Variants in GRM8 observed in about 807,000 individuals in gnomAD.
GRM8 encodes metabotropic glutamate receptor 8.
A neutral mutation model predicts 87.2 loss-of-function variants in GRM8; 47 were observed. That is an observed-to-expected ratio of 0.54 (90% CI 0.43 to 0.69). The LOEUF is 0.69. Ranked by LOEUF, GRM8 falls within the 30% of genes least tolerant of loss-of-function variation. The pLI is 0.00. For missense variants in GRM8, 1,019 were observed against 1,139.2 expected, an observed-to-expected ratio of 0.89 and a Z score of 1.52; for synonymous variants, 396 against 404.5, an observed-to-expected ratio of 0.98 and a Z score of 0.25.
chr7:126,764,558 T>G (rs536418995), intron 7 of GRM8, among the ~76,000 whole-genome samples: 51 of 152,186 alleles, frequency 3.4e-4, no homozygotes, highest in Admixed American at 2.7e-3. Flanking sequence ...AATTGTATAT[T>G]TGGAAATTTT....
chr7:126,690,389 G>A (rs1285810551), intron 7 of GRM8, among the ~76,000 whole-genome samples: 1 of 152,180 alleles, frequency 6.6e-6, no homozygotes, highest in African/African-American at 2.4e-5. Context: ...CACCTGCATG[G>A]GTGCCACCTC....
intron 8 of GRM8, among the ~76,000 whole-genome samples, chr7:126,570,208 ACT>A (rs1328796350): frequency 2.6e-5 from 4 of 151,736 alleles, no homozygotes; most frequent in African/African-American, 9.7e-5. Flanking sequence ...CCCTATGCCC[ACT>A]CTCTATATTA....
At chr7:126,875,817 C>T (rs893237187) in intron 6 of GRM8, among the ~76,000 whole-genome samples, 3 of 151,990 alleles carry the variant, frequency 2.0e-5, no homozygotes, top group African/African-American at 7.3e-5. Context: ...TCCCAGATTA[C>T]CCTTTAATGA....
intron 2 of GRM8, among the ~76,000 whole-genome samples, chr7:127,221,074 C>T (rs1474841120): frequency 1.3e-5 from 2 of 152,230 alleles, no homozygotes; most frequent in African/African-American, 4.8e-5. Context: ...CCCTGTTTTG[C>T]TCTTCTTGAA....
At chr7:127,055,771 A>G (rs563957043) in intron 3 of GRM8, among the ~76,000 whole-genome samples, 45 of 152,254 alleles carry the variant, frequency 3.0e-4, no homozygotes, top group African/African-American at 9.1e-4. Context: ...ATGTGTAACA[A>G]TGCAGAAGAA....
In GRM8 at chr7:126,764,425, T is replaced by G. The variant is rs1398975787; in HGVS notation, c.1357+5440A>C. ...ATGTTTATTATTGTCTTATTTGACCTATTAGCATGATTGTAGTATATTTTC... is the reference window on the plus strand; with the variant it reads ...ATGTTTATTATTGTCTTATTTGACCGATTAGCATGATTGTAGTATATTTTC... On this transcript the variant is annotated intron_variant, in intron 7 of 10. Transcript: ENST00000339582. Among the ~76,000 whole-genome samples, 3 of 152,204 alleles carry G rather than the reference T, an allele frequency of 2.0e-5. No individual in the cohort carries two copies. The East Asian group carries it at 5.8e-4, about 29-fold the overall frequency.
intron 3 of GRM8, among the ~76,000 whole-genome samples, chr7:126,945,743 T>A (rs576947973): frequency 6.6e-5 from 10 of 152,310 alleles, no homozygotes; most frequent in African/African-American, 2.4e-4. Flanking sequence ...AACCTATAAT[T>A]AACATTTAAA....
chr7:126,652,303 T>G (rs953628420), intron 7 of GRM8, among the ~76,000 whole-genome samples: 2 of 152,212 alleles, frequency 1.3e-5, no homozygotes, highest in African/African-American at 4.8e-5. Context: ...TATTATTGTC[T>G]TTATTTGAAG....
At chr7:126,969,833 T>G (rs185323224) in intron 3 of GRM8, among the ~76,000 whole-genome samples, 2 of 152,144 alleles carry the variant, frequency 1.3e-5, no homozygotes, top group Non-Finnish European at 2.9e-5. Flanking sequence ...AAAATGTATT[T>G]CCTAAATAAT....
At chr7:127,139,384 T>A (rs777504037) in intron 2 of GRM8, among the ~76,000 whole-genome samples, 4 of 152,072 alleles carry the variant, frequency 2.6e-5, no homozygotes, top group Non-Finnish European at 2.9e-5. Flanking sequence ...TACCTCATAG[T>A]AGTCACATTA....
chr7:126,477,405 A>T (rs1806050493), intron 9 of GRM8, among the ~76,000 whole-genome samples: 1 of 152,056 alleles, frequency 6.6e-6, no homozygotes, highest in Non-Finnish European at 1.5e-5. Flanking sequence ...CACAAAGATA[A>T]CTATGTGAGG....
At chr7:126,578,853 G>A (rs1446165039) in intron 8 of GRM8, among the ~76,000 whole-genome samples, 1 of 151,904 alleles carries the variant, frequency 6.6e-6, no homozygotes, top group Non-Finnish European at 1.5e-5. Flanking sequence ...GAAAAAAAAA[G>A]AACTTAAAAA....
chr7:126,643,307 AAAAAAAAAAAAAATATATATATATATAT>A (rs1264152731), intron 7 of GRM8, among the ~76,000 whole-genome samples: 9 of 35,022 alleles, frequency 2.6e-4, no homozygotes, highest in African/African-American at 8.0e-4. Context: ...AAAAAAAAAA[AAAAAAAAAAAAAATATATATATATATAT>A]ATATATATAT....
intron 3 of GRM8, among the ~76,000 whole-genome samples, chr7:126,985,367 A>G (rs571554405): frequency 2.6e-5 from 4 of 152,336 alleles, no homozygotes; most frequent in African/African-American, 9.6e-5. Flanking sequence ...ACTGGACAGA[A>G]TGATAAAAAA....
intron 7 of GRM8, among the ~76,000 whole-genome samples, chr7:126,730,957 G>T (rs10269099): frequency 0.35 from 53,021 of 151,762 alleles, 9,659 homozygotes; most frequent in Non-Finnish European, 0.38. Context: ...ATAATTGTTT[G>T]GTAAACATTA....
At position 127,093,319 on chromosome 7, in the gene GRM8, C is replaced by A. The variant is rs139304036; in HGVS notation, c.727+13177G>T. On this transcript the variant is annotated intron_variant, in intron 3 of 10. Coordinates refer to ENST00000339582, the MANE Select transcript of GRM8 (RefSeq NM_000845.3). ...CCTACCACCTAGAACAAGGCCCCAA[C>A]ACACAGTAGGGGCTCAAATATTTGT... Among the ~76,000 whole-genome samples the A allele has an allele frequency of 4.7e-4, 71 of 152,292 alleles. 2 individuals are homozygous for A. The East Asian group carries it at 0.013, about 27-fold the overall frequency.
chr7:127,164,795 G>A (rs1373179931), intron 2 of GRM8, among the ~76,000 whole-genome samples: 1 of 151,830 alleles, frequency 6.6e-6, no homozygotes, highest in African/African-American at 2.4e-5. Context: ...AACCATATTG[G>A]CCCAAAAGGA....
intron 8 of GRM8, among the ~76,000 whole-genome samples, chr7:126,602,913 C>T (rs1475913096): frequency 3.8e-5 from 5 of 130,220 alleles, no homozygotes; most frequent in Admixed American, 3.1e-4. Context: ...GATACCAAAG[C>T]CGGGCAGAGA....
At chr7:126,445,911 T>C (rs945879398) in intron 10 of GRM8, among the ~76,000 whole-genome samples, 1 of 151,964 alleles carries the variant, frequency 6.6e-6, no homozygotes, top group Non-Finnish European at 1.5e-5. Context: ...GTAAAAGAGA[T>C]TTTGTGAGCA....
Sources: gnomAD v4.1 joint callset for allele counts (sites outside exome capture counted in the v4.1 genomes callset) on GRCh38, gnomAD v4.1.1 for gene constraint, MANE v1.5 for transcripts, NCBI Gene and HGNC (gene_info 2026-07-23, HGNC 2026-07-21) for gene names.